Variants in PEBP4 observed in about 807,000 individuals in gnomAD.
PEBP4 encodes phosphatidylethanolamine-binding protein 4.
A neutral mutation model predicts 23.9 loss-of-function variants in PEBP4; 22 were observed. The observed-to-expected ratio is 0.92, with a 90% confidence interval of 0.66 to 1.31. The LOEUF (loss-of-function observed/expected upper bound fraction) is 1.31, where lower values mean the gene tolerates loss of function less well. Ranked by LOEUF, PEBP4 falls within the 40% of genes most tolerant of loss-of-function variation. The probability of loss-of-function intolerance (pLI) is 0.00; values close to 1 mark genes in which losing one functional copy is unlikely to be tolerated. For missense variants in PEBP4, 324 were observed against 281.7 expected, an observed-to-expected ratio of 1.15 and a Z score of -1.07; for synonymous variants, 112 against 99.3, an observed-to-expected ratio of 1.13 and a Z score of -0.76.
At chr8:22,733,515 T>A (rs1278348933) in intron 4 of PEBP4, among the ~76,000 whole-genome samples, 1 of 151,782 alleles carries the variant, frequency 6.6e-6, no homozygotes, top group Non-Finnish European at 1.5e-5. Flanking sequence ...CCAGCAGGGA[T>A]GCTGGCCCAG....
chr8:22,827,949 A>G (rs1807006681), intron 3 of PEBP4, among the ~76,000 whole-genome samples: 1 of 152,118 alleles, frequency 6.6e-6, no homozygotes, highest in Admixed American at 6.5e-5. Flanking sequence ...CATGTTTTTA[A>G]TTTGCATTTC....
intron 3 of PEBP4, among the ~76,000 whole-genome samples, chr8:22,872,897 G>A (rs551015778): frequency 5.9e-5 from 9 of 152,016 alleles, no homozygotes; most frequent in South Asian, 2.1e-4. Context: ...GGCTGGTCTC[G>A]AACTCCTGAT....
chr8:22,798,402 G>C (rs28615114), intron 4 of PEBP4: 97,106 of 152,898 alleles, frequency 0.64, 31,077 homozygotes, highest in South Asian at 0.71. Flanking sequence ...TTCCCCCTGC[G>C]CTAAATCACC....
At chr8:22,897,506 T>C (rs1326029129) in intron 3 of PEBP4, among the ~76,000 whole-genome samples, 1 of 152,172 alleles carries the variant, frequency 6.6e-6, no homozygotes, top group Non-Finnish European at 1.5e-5. Flanking sequence ...GGTTTTAGTA[T>C]GTGTAAAAAT....
intron 4 of PEBP4, among the ~76,000 whole-genome samples, chr8:22,734,310 G>T (rs1438603349): frequency 6.6e-6 from 1 of 152,208 alleles, no homozygotes; most frequent in Non-Finnish European, 1.5e-5. Flanking sequence ...CTTCTCTTTT[G>T]CCCTAGGGTT....
At chr8:22,760,721 A>G (rs756469198) in intron 4 of PEBP4, among the ~76,000 whole-genome samples, 5 of 152,180 alleles carry the variant, frequency 3.3e-5, no homozygotes, top group Non-Finnish European at 7.4e-5. Context: ...TCAATATGCT[A>G]GCAAGTGCTT....
intron 3 of PEBP4, among the ~76,000 whole-genome samples, chr8:22,844,093 G>C (rs530066472): frequency 6.6e-6 from 1 of 152,158 alleles, no homozygotes; most frequent in Non-Finnish European, 1.5e-5. Context: ...GAAACACCAA[G>C]ATTCGGCCCC....
At chr8:22,729,630 G>A (rs1458937270) in intron 4 of PEBP4, among the ~76,000 whole-genome samples, 5 of 152,286 alleles carry the variant, frequency 3.3e-5, no homozygotes, top group Middle Eastern at 6.8e-3. Context: ...AAATCCTTAC[G>A]TTGGGTTTGC....
intron 3 of PEBP4, among the ~76,000 whole-genome samples, chr8:22,868,750 T>A (rs1807953137): frequency 6.6e-6 from 1 of 152,212 alleles, no homozygotes; most frequent in African/African-American, 2.4e-5. Flanking sequence ...GAAATGCTGT[T>A]GGCTCAATAT....
intron 4 of PEBP4, among the ~76,000 whole-genome samples, chr8:22,761,287 G>A (rs1261813418): frequency 6.6e-6 from 1 of 152,086 alleles, no homozygotes; most frequent in African/African-American, 2.4e-5. Context: ...CTTATTCACA[G>A]TCCCCTCTGG....
At chr8:22,897,592 T>C (rs1056349798) in intron 3 of PEBP4, 2 of 152,206 alleles carry the variant, frequency 1.3e-5, no homozygotes, top group Middle Eastern at 3.2e-3. Flanking sequence ...TTCCATTTTA[T>C]AGTTGAGTAA....
chr8:22,745,031 G>A (rs1805083615), intron 4 of PEBP4, among the ~76,000 whole-genome samples: 1 of 152,106 alleles, frequency 6.6e-6, no homozygotes. Flanking sequence ...ATGTTCTTTT[G>A]TCTACACCTC....
intron 4 of PEBP4, among the ~76,000 whole-genome samples, chr8:22,732,818 G>C (rs1008687774): frequency 4.6e-5 from 7 of 152,150 alleles, no homozygotes. Context: ...GTGCTTCTGG[G>C]TTCCTAGAAC....
At chr8:22,928,034 A>C, upstream of PEBP4, 1 of 312,984 alleles carries the variant, frequency 3.2e-6, no homozygotes, top group Non-Finnish European at 6.0e-6. Flanking sequence ...TGCAAAGTAG[A>C]AGTGCTTATA....
chr8:22,730,750 C>G (rs1044411056), intron 4 of PEBP4, among the ~76,000 whole-genome samples: 1 of 152,118 alleles, frequency 6.6e-6, no homozygotes, highest in Non-Finnish European at 1.5e-5. Context: ...CCACTCCTGT[C>G]GAGTCTGAGA....
At chr8:22,737,079 A>G (rs1388464745) in intron 4 of PEBP4, among the ~76,000 whole-genome samples, 1 of 152,116 alleles carries the variant, frequency 6.6e-6, no homozygotes, top group Non-Finnish European at 1.5e-5. Flanking sequence ...GGATCACTTG[A>G]GGTCAGGAGT....
intron 4 of PEBP4, among the ~76,000 whole-genome samples, chr8:22,744,314 T>C (rs904479331): frequency 5.3e-5 from 8 of 152,202 alleles, no homozygotes; most frequent in African/African-American, 1.9e-4. Context: ...GATGCAGAGA[T>C]AGACTCACCT....
At chr8:22,856,969 C>T (rs117232383) in intron 3 of PEBP4, among the ~76,000 whole-genome samples, 1 of 151,752 alleles carries the variant, frequency 6.6e-6, no homozygotes, top group Non-Finnish European at 1.5e-5. Flanking sequence ...CCACAGAACA[C>T]AATTCAGCCA....
chr8:22,892,046 C>G (rs1808505656), intron 3 of PEBP4, among the ~76,000 whole-genome samples: 1 of 151,086 alleles, frequency 6.6e-6, no homozygotes, highest in South Asian at 2.1e-4. Context: ...GCAGTCCGGC[C>G]TGGGCGAAAG....
Sources: allele counts gnomAD v4.1 joint callset (sites outside exome capture counted in the v4.1 genomes callset), GRCh38; gene constraint gnomAD v4.1.1; transcripts MANE v1.5; gene names NCBI Gene and HGNC (gene_info 2026-07-23, HGNC 2026-07-21).